Variants in SNTG2 observed in about 807,000 individuals in gnomAD.
The protein encoded by SNTG2 is gamma-2-syntrophin.
A neutral mutation model predicts 70.9 loss-of-function variants in SNTG2; 74 were observed. The observed-to-expected ratio is 1.04, with a 90% CI of 0.86 to 1.27. SNTG2 has a LOEUF of 1.27. SNTG2 is among the 50% of genes most tolerant of loss of function. The probability of loss-of-function intolerance (pLI) is 0.00; values close to 1 mark genes in which losing one functional copy is unlikely to be tolerated. For synonymous variants in SNTG2, 278 were observed against 273.8 expected (o/e 1.02, Z -0.15); for missense variants, 717 against 690.7 (o/e 1.04, Z -0.43).
chr2:1,099,650 G>A (rs4991939), intron 4 of SNTG2, among the ~76,000 whole-genome samples: 2,126 of 137,480 alleles, frequency 0.015, 17 homozygotes, highest in African/African-American at 0.044. Context: ...GCGATGGTCA[G>A]GTCATCTGAA....
intron 1 of SNTG2, among the ~76,000 whole-genome samples, chr2:977,014 C>G (rs540563089): frequency 6.6e-6 from 1 of 152,290 alleles, no homozygotes; most frequent in South Asian, 2.1e-4. Flanking sequence ...GGCAGCCCCA[C>G]CTGGCAGACA....
At chr2:1,034,601 TGCAACATCACCA>T in intron 1 of SNTG2, among the ~76,000 whole-genome samples, 1 of 152,330 alleles carries the variant, frequency 6.6e-6, no homozygotes, top group South Asian at 2.1e-4. Flanking sequence ...CTCTTTTCTC[TGCAACATCACCA>T]GCATCTGTTA....
intron 9 of SNTG2, among the ~76,000 whole-genome samples, chr2:1,219,651 C>CT (rs1219494588): frequency 1.1e-4 from 13 of 116,480 alleles, no homozygotes; most frequent in South Asian, 3.0e-4. Flanking sequence ...AATTGACTTT[C>CT]TTTTTTTTTT....
At chr2:1,240,998 A>G (rs977259516) in intron 11 of SNTG2, among the ~76,000 whole-genome samples, 2 of 152,184 alleles carry the variant, frequency 1.3e-5, no homozygotes, top group South Asian at 2.1e-4. Context: ...ATATCTCTCT[A>G]TGGTTCACAC....
At chr2:1,165,496 G>A in intron 6 of SNTG2, 52 bp from the exon 7 acceptor site, 1 of 1,478,552 alleles carries the variant, frequency 6.8e-7, no homozygotes, top group Non-Finnish European at 9.4e-7. Flanking sequence ...TTTTAATTCT[G>A]TGTCTGGTTC....
At chr2:1,126,619 C>T (rs192969848) in intron 4 of SNTG2, among the ~76,000 whole-genome samples, 1 of 152,324 alleles carries the variant, frequency 6.6e-6, no homozygotes, top group East Asian at 1.9e-4. Flanking sequence ...CCTTCCTCTG[C>T]ACCCTCACCA....
At chr2:1,071,019 G>C (rs1663501047) in intron 1 of SNTG2, among the ~76,000 whole-genome samples, 2 of 152,228 alleles carry the variant, frequency 1.3e-5, no homozygotes, top group Middle Eastern at 6.8e-3. Flanking sequence ...CAATACTGGG[G>C]GGTGGCCACA....
At chr2:1,002,667 T>C (rs1221843257) in intron 1 of SNTG2, among the ~76,000 whole-genome samples, 1 of 141,894 alleles carries the variant, frequency 7.0e-6, no homozygotes, top group Non-Finnish European at 1.5e-5. Context: ...ACAACCTCTA[T>C]GAAAAAGGGT....
chr2:1,031,508 T>TTTTTTATATATATATATATATA (rs1345229584), intron 1 of SNTG2, among the ~76,000 whole-genome samples: 1 of 57,768 alleles, frequency 1.7e-5, no homozygotes, highest in African/African-American at 9.1e-5. Flanking sequence ...TAGTTCATTG[T>TTTTTTATATATATATATATATA]TATATATATA....
chr2:1,129,480 T>C (rs1292045039), intron 4 of SNTG2, among the ~76,000 whole-genome samples: 1 of 152,248 alleles, frequency 6.6e-6, no homozygotes, highest in Non-Finnish European at 1.5e-5. Context: ...TTTGGATAAA[T>C]TTGGAAATTA....
At position 951,882 on chromosome 2, in the gene SNTG2, A is replaced by G. The variant is rs529506058; in HGVS notation, c.72+814A>G. Among the ~76,000 whole-genome samples, 43 of 152,130 alleles carry G rather than the reference A, an allele frequency of 2.8e-4. 2 individuals carry two copies. The South Asian group carries it at 8.5e-3, about 30-fold the overall frequency. On this transcript the variant is annotated intron_variant, in intron 1 of 16. Transcript: ENST00000308624. ...ACCACTCCTTTAGGATTCCTTCCCC[A>G]GGAGCTCCCAGTCCCAGGAGCGACC... is the stretch of plus-strand genomic sequence containing the variant.
chr2:1,190,559 T>C (rs1672531454), intron 8 of SNTG2, among the ~76,000 whole-genome samples: 1 of 146,190 alleles, frequency 6.8e-6, no homozygotes, highest in South Asian at 2.1e-4. Context: ...TAAACATATG[T>C]ATAAATGCAT....
At chr2:1,077,976 G>A (rs769543565) in intron 1 of SNTG2, among the ~76,000 whole-genome samples, 7 of 152,114 alleles carry the variant, frequency 4.6e-5, no homozygotes, top group Non-Finnish European at 8.8e-5. Context: ...CTGTGGCATC[G>A]TGGTGGATTT....
At chr2:1,221,361 G>A (rs982058349) in intron 9 of SNTG2, among the ~76,000 whole-genome samples, 3 of 146,632 alleles carry the variant, frequency 2.0e-5, no homozygotes, top group Non-Finnish European at 3.0e-5. Flanking sequence ...CTCTGTCTCT[G>A]CCTCTCTCTG....
intron 9 of SNTG2, among the ~76,000 whole-genome samples, chr2:1,211,774 A>T (rs1363504811): frequency 6.6e-6 from 1 of 152,174 alleles, no homozygotes; most frequent in African/African-American, 2.4e-5. Flanking sequence ...CTCCCATGAC[A>T]CGTGGGAATT....
chr2:1,363,089 G>T (rs575480252), intron 16 of SNTG2, among the ~76,000 whole-genome samples: 3 of 151,736 alleles, frequency 2.0e-5, no homozygotes, highest in African/African-American at 7.3e-5. Flanking sequence ...AGTGACCGGC[G>T]CTGAGATGGA....
In SNTG2 at chr2:1,247,319, C is replaced by T. The variant is rs1378970789; in HGVS notation, c.889-8C>T. The T allele has an allele frequency of 8.7e-6, 12 of 1,378,954 alleles. No homozygotes were observed. Among genetic ancestry groups the T allele is most frequent in the Middle Eastern group, 1.9e-4 (1 of 5,144 alleles). The allele number at this position is 1,378,954 out of a possible 1,614,324, so 85.4% of individuals were successfully genotyped here. On this transcript the variant is annotated splice_region_variant and splice_polypyrimidine_tract_variant and intron_variant, in intron 11 of 16. Transcript: ENST00000308624. ...AAGGCTTGGTTTGTAATTTTCACCC[C>T]TCTGCAGGTTGTGCATATGGGGTGG... is the stretch of plus-strand genomic sequence containing the variant.
chr2:1,011,522 C>T (rs779143740), intron 1 of SNTG2, among the ~76,000 whole-genome samples: 1 of 152,110 alleles, frequency 6.6e-6, no homozygotes, highest in Non-Finnish European at 1.5e-5. Flanking sequence ...ACCGTATTTG[C>T]ATTTTAGTTC....
chr2:1,173,796 C>T (rs565791004), intron 8 of SNTG2, among the ~76,000 whole-genome samples: 7 of 152,380 alleles, frequency 4.6e-5, no homozygotes, highest in South Asian at 4.1e-4. Context: ...ACAGGGCTCA[C>T]GCCCTCCTCT....
Sources: allele counts gnomAD v4.1 joint callset (sites outside exome capture counted in the v4.1 genomes callset), GRCh38; gene constraint gnomAD v4.1.1; transcripts MANE v1.5; gene names NCBI Gene and HGNC (gene_info 2026-07-23, HGNC 2026-07-21).